RNF150: variants seen among roughly 807,000 people sequenced by gnomAD.
RNF150 encodes the protein ring finger protein 150.
RNF150 carries 24 observed loss-of-function variants against 39.3 expected under a neutral mutation model. The observed-to-expected ratio is 0.61, with a 90% confidence interval of 0.44 to 0.86. The LOEUF is 0.86. Ranked by LOEUF, RNF150 falls within the 40% of genes least tolerant of loss-of-function variation. RNF150 has a pLI of 0.00. For synonymous variants in RNF150, 255 were observed against 227.3 expected (o/e 1.12, Z -1.10); for missense variants, 502 against 587.8 (o/e 0.85, Z 1.51).
intron 6 of RNF150, among the ~76,000 whole-genome samples, chr4:140,880,666 TTTG>T (rs1241571291): frequency 3.7e-4 from 56 of 151,448 alleles, no homozygotes; most frequent in Middle Eastern, 3.4e-3. Flanking sequence ...TGTTTGTTTG[TTTG>T]TTTTAAACAA....
At chr4:141,010,729 A>C (rs1391520195) in intron 1 of RNF150, among the ~76,000 whole-genome samples, 1 of 152,078 alleles carries the variant, frequency 6.6e-6, no homozygotes, top group Non-Finnish European at 1.5e-5. Flanking sequence ...CGCTAACAGC[A>C]CCCTTTGAGC....
chr4:141,085,264 A>T (rs1449017965), intron 1 of RNF150, among the ~76,000 whole-genome samples: 1 of 152,204 alleles, frequency 6.6e-6, no homozygotes, highest in Non-Finnish European at 1.5e-5. Flanking sequence ...TGAGAACAGC[A>T]TGGGAAAAAC....
At chr4:140,934,873 G>C (rs144652382) in intron 4 of RNF150, among the ~76,000 whole-genome samples, 2,193 of 150,846 alleles carry the variant, frequency 0.015, 24 homozygotes, top group Middle Eastern at 0.039. Flanking sequence ...ATAAAATACA[G>C]GGGCAATCAT....
chr4:140,875,223 C>T (rs1202511971), intron 6 of RNF150, among the ~76,000 whole-genome samples: 1 of 146,162 alleles, frequency 6.8e-6, no homozygotes, highest in African/African-American at 2.6e-5. Context: ...GGCTGGAGTG[C>T]AGTGGGGTGA....
intron 1 of RNF150, among the ~76,000 whole-genome samples, chr4:141,139,210 C>A (rs143046089): frequency 6.6e-6 from 1 of 152,270 alleles, no homozygotes; most frequent in Non-Finnish European, 1.5e-5. Context: ...TACAGCGAGA[C>A]CCTGTCTCGA....
rs181671871 is a variant in RNF150, at chr4:141,102,799, A to C, written c.484+29526T>G. Among the ~76,000 whole-genome samples the C allele has an allele frequency of 2.7e-4, 41 of 152,370 alleles. No individual in the cohort carries two copies. The East Asian group carries it at 7.9e-3, about 29-fold the overall frequency. On this transcript the variant is annotated intron_variant, in intron 1 of 6. Transcript: ENST00000515673. ...GGTTTCCTAAGCGGTTGTCTCCAGCAAAAGTAAATAACTGAATAAATAAAA... is the reference window on the plus strand; with the variant it reads ...GGTTTCCTAAGCGGTTGTCTCCAGCCAAAGTAAATAACTGAATAAATAAAA...
chr4:140,949,260 T>G (rs774161387), intron 3 of RNF150, 41 bp downstream of exon 3: 2 of 1,513,932 alleles, frequency 1.3e-6, no homozygotes, highest in Admixed American at 1.8e-5. Flanking sequence ...AGAAGCTTCT[T>G]TGAATAGCTC....
intron 2 of RNF150, among the ~76,000 whole-genome samples, chr4:140,964,657 T>C (rs1733163308): frequency 6.6e-6 from 1 of 152,124 alleles, no homozygotes; most frequent in South Asian, 2.1e-4. Flanking sequence ...TACATTTGAA[T>C]GGGAAGATTA....
At chr4:141,011,880 T>C (rs1050648816) in intron 1 of RNF150, among the ~76,000 whole-genome samples, 3 of 152,218 alleles carry the variant, frequency 2.0e-5, no homozygotes, top group Non-Finnish European at 4.4e-5. Flanking sequence ...CAGATTCACA[T>C]GCACAAAAAT....
At chr4:141,152,998 T>G (rs980052776) in intron 1 of RNF150, among the ~76,000 whole-genome samples, 49 of 152,208 alleles carry the variant, frequency 3.2e-4, no homozygotes, top group African/African-American at 9.6e-4. Context: ...GGCAGTGTTT[T>G]TGAGTTACCA....
chr4:141,015,743 T>C (rs2110765694), intron 1 of RNF150, among the ~76,000 whole-genome samples: 1 of 152,308 alleles, frequency 6.6e-6, no homozygotes, highest in South Asian at 2.1e-4. Context: ...GCATTTTACT[T>C]TTTTCTCTTA....
intron 2 of RNF150, among the ~76,000 whole-genome samples, chr4:140,961,031 A>G (rs1228927778): frequency 1.3e-5 from 2 of 152,108 alleles, no homozygotes; most frequent in Admixed American, 1.3e-4. Flanking sequence ...GAATTATCAA[A>G]GCAAAGATTT....
At chr4:140,996,739 G>A (rs1175517210) in intron 1 of RNF150, among the ~76,000 whole-genome samples, 5 of 152,214 alleles carry the variant, frequency 3.3e-5, no homozygotes, top group African/African-American at 7.2e-5. Context: ...TATTCAAAGA[G>A]CAAAACTATT....
intron 1 of RNF150, among the ~76,000 whole-genome samples, chr4:141,096,440 C>T (rs557931638): frequency 3.8e-4 from 58 of 151,950 alleles, no homozygotes; most frequent in African/African-American, 1.0e-3. Flanking sequence ...TCAGGCAATC[C>T]GCCCGCCTCG....
chr4:141,141,308 A>G (rs1057410728), intron 1 of RNF150, among the ~76,000 whole-genome samples: 2 of 152,176 alleles, frequency 1.3e-5, no homozygotes, highest in African/African-American at 4.8e-5. Context: ...CATTCTGTGG[A>G]CTTAGTGATT....
intron 1 of RNF150, among the ~76,000 whole-genome samples, chr4:141,156,898 T>C (rs1010557484): frequency 7.9e-5 from 12 of 151,950 alleles, no homozygotes; most frequent in Non-Finnish European, 1.8e-4. Flanking sequence ...TAGAGTGAGA[T>C]TATCTCAAAA....
intron 1 of RNF150, among the ~76,000 whole-genome samples, chr4:141,071,535 G>A (rs1737704781): frequency 6.6e-6 from 1 of 151,942 alleles, no homozygotes; most frequent in Admixed American, 6.6e-5. Flanking sequence ...GAGCAAAGGA[G>A]GAAATTTGTT....
intron 1 of RNF150, among the ~76,000 whole-genome samples, chr4:141,014,529 A>G (rs904835525): frequency 1.3e-5 from 2 of 152,216 alleles, no homozygotes; most frequent in Admixed American, 1.3e-4. Context: ...GATAAAAGCA[A>G]TTTTAACAGG....
intron 1 of RNF150, among the ~76,000 whole-genome samples, chr4:141,057,356 T>C (rs986940483): frequency 3.9e-5 from 6 of 152,040 alleles, no homozygotes; most frequent in African/African-American, 1.4e-4. Context: ...TAAAATTTTT[T>C]AGGTATGATT....
Sources: gnomAD v4.1 joint callset for allele counts (sites outside exome capture counted in the v4.1 genomes callset) on GRCh38, gnomAD v4.1.1 for gene constraint, MANE v1.5 for transcripts, NCBI Gene and HGNC (gene_info 2026-07-23, HGNC 2026-07-21) for gene names.